The following MYH10 variants were observed in gnomAD, a reference collection of about 807,000 sequenced individuals.
The protein encoded by MYH10 is myosin heavy chain 10, also known as myosin-10.
Under a neutral mutation model 257.8 loss-of-function variants are expected in MYH10, and 55 were observed. That is an observed-to-expected ratio of 0.21 (90% CI 0.17 to 0.27). The LOEUF is 0.27. Ranked by LOEUF, MYH10 falls within the 10% of genes least tolerant of loss-of-function variation. The pLI, the probability that MYH10 is intolerant of heterozygous loss-of-function variation, is 1.00. For missense variants in MYH10, 1,631 were observed against 2,500.6 expected (o/e 0.65, Z 7.42); for synonymous variants, 854 against 921.7 (o/e 0.93, Z 1.33).
At position 8,500,846 on chromosome 17, in the gene MYH10, GCT is replaced by G; in HGVS notation, c.3722_3723del (p.Glu1241AlafsTer23). The G allele has an allele frequency of 6.2e-7, 1 of 1,613,536 alleles. No homozygotes were observed. Among genetic ancestry groups the G allele is most frequent in the Non-Finnish European group, 8.5e-7 (1 of 1,180,018 alleles). On this transcript the variant is annotated frameshift_variant, in exon 29 of 43. Coordinates refer to ENST00000360416, the MANE Select transcript of MYH10 (RefSeq NM_001256012.3). LOFTEE classifies it high-confidence loss of function. ...CTTACCCGCTTGGCCTGTTCCAGCT[GCT>G]CTGAGAGCTCCTCCAGGGCTGTTGC... ...RHATALEELSEQLEQAKRFKA... is the reference protein window; with the variant it reads ...RHATALEELSXQLEQAKRFKA...
chr17:8,548,169 C>T (rs776095768), intron 11 of MYH10, 144 bp downstream of exon 11: 52 of 588,394 alleles, frequency 8.8e-5, no homozygotes, highest in Non-Finnish European at 1.3e-4. Flanking sequence ...GAGGAACCCT[C>T]GTGTAAATAC....
chr17:8,483,198 T>A (rs1355692479), intron 37 of MYH10, among the ~76,000 whole-genome samples: 2 of 152,210 alleles, frequency 1.3e-5, no homozygotes, highest in African/African-American at 4.8e-5. Flanking sequence ...TCAAAATTTG[T>A]GGAACATGAT....
At chr17:8,630,383 C>A (rs943934887) in intron 1 of MYH10, among the ~76,000 whole-genome samples, 2 of 151,872 alleles carry the variant, frequency 1.3e-5, no homozygotes. Context: ...ACAAGGACTT[C>A]ATTCCCCGCT....
intron 28 of MYH10, among the ~76,000 whole-genome samples, chr17:8,501,582 A>AAGAAGCCGCAATTAACT (rs1291119475): frequency 6.6e-6 from 1 of 152,188 alleles, no homozygotes; most frequent in Non-Finnish European, 1.5e-5. Context: ...CGTCCATGTG[A>AAGAAGCCGCAATTAACT]AGAAGCCGCA....
intron 17 of MYH10, among the ~76,000 whole-genome samples, chr17:8,522,616 T>C (rs1409855971): frequency 6.6e-6 from 1 of 152,144 alleles, no homozygotes; most frequent in Non-Finnish European, 1.5e-5. Context: ...ACAAACCCAC[T>C]TCTGCAGGCC....
At chr17:8,565,963 C>A (rs562503088) in intron 7 of MYH10, among the ~76,000 whole-genome samples, 1 of 152,114 alleles carries the variant, frequency 6.6e-6, no homozygotes, top group Non-Finnish European at 1.5e-5. Context: ...TTTGAAGGAA[C>A]GATCTAGAGC....
At chr17:8,509,604 C>T (rs2081191243) in intron 25 of MYH10, among the ~76,000 whole-genome samples, 1 of 152,166 alleles carries the variant, frequency 6.6e-6, no homozygotes, top group African/African-American at 2.4e-5. Context: ...AAAAGATTAT[C>T]AGGATATTTG....
rs747081871 is a variant in MYH10, at chr17:8,542,155, G to A, written c.1557C>T (p.Ile519=). ...YQREGIEWNF[I]DFGLDLQPCI... ...ATGGCTGCAGATCCAGCCCGAAATC[G>A]ATGAAGTTCCACTCGATGCCTTCGC... The change falls in exon 14 of 43, where the codon ATC becomes ATT. Residue 519 remains isoleucine, a synonymous_variant. Coordinates refer to ENST00000360416, the MANE Select transcript of MYH10 (RefSeq NM_001256012.3). 7.4e-6 allele frequency: 12 copies of A among 1,614,062 alleles called. No individual in the cohort carries two copies. The African/African-American group carries it at 8.0e-5, about 11-fold the overall frequency.
At chr17:8,611,345 C>A (rs572488799) in intron 2 of MYH10, among the ~76,000 whole-genome samples, 2 of 152,352 alleles carry the variant, frequency 1.3e-5, no homozygotes, top group East Asian at 3.9e-4. Flanking sequence ...GAGTCTCAAA[C>A]TATTTCCACA....
rs1476269473 is a variant in MYH10, at chr17:8,521,150, G to C, written c.2093C>G (p.Thr698Ser). The change falls in exon 18 of 43, where the codon ACT (threonine) becomes AGT (serine). Residue 698 changes from threonine to serine, a missense_variant. Transcript: ENST00000360416. ...YKESLTKLMA[T>S]LRNTNPNFVR... ...AAAGTTAGGGTTGGTGTTTCGGAGA[G>C]TTGCCATCAGCTTGGTGAGAGATTC... 3.1e-6 allele frequency: 5 copies of C among 1,614,154 alleles called. No individual in the cohort carries two copies. The highest frequency in any genetic ancestry group is 4.2e-6 in the Non-Finnish European group (5 of 1,180,054).
At chr17:8,503,231 C>A (rs947909299) in intron 28 of MYH10, among the ~76,000 whole-genome samples, 2 of 151,920 alleles carry the variant, frequency 1.3e-5, no homozygotes, top group Non-Finnish European at 2.9e-5. Flanking sequence ...TGCAGTGAGC[C>A]GAGATCGCAC....
chr17:8,602,743 A>C (rs904823772), intron 3 of MYH10, among the ~76,000 whole-genome samples: 1 of 152,158 alleles, frequency 6.6e-6, no homozygotes, highest in African/African-American at 2.4e-5. Flanking sequence ...CCTGGTTTTG[A>C]ATCCTAGCTT....
At chr17:8,526,650 C>T (rs1441510492) in intron 17 of MYH10, among the ~76,000 whole-genome samples, 1 of 152,106 alleles carries the variant, frequency 6.6e-6, no homozygotes, top group Non-Finnish European at 1.5e-5. Context: ...GAAAATGCAA[C>T]GTGTCGTCTA....
At chr17:8,598,729 C>T (rs1229937789) in intron 3 of MYH10, among the ~76,000 whole-genome samples, 3 of 141,142 alleles carry the variant, frequency 2.1e-5, no homozygotes, top group Non-Finnish European at 3.0e-5. Flanking sequence ...TTTTTTGAGA[C>T]GGGGTCTTGC....
At chr17:8,627,907 TA>T (rs2085743334) in intron 1 of MYH10, among the ~76,000 whole-genome samples, 1 of 152,144 alleles carries the variant, frequency 6.6e-6, no homozygotes, top group African/African-American at 2.4e-5. Context: ...AGAAAGCCAA[TA>T]ACCAGCCCAA....
rs2081014269 is a variant in MYH10, at chr17:8,504,588, A to C, written c.3599+106T>G. 9.2e-6 allele frequency: 9 copies of C among 983,330 alleles called. No homozygotes were observed. In the Admixed American group the frequency reaches 1.8e-4, roughly 20 times the overall value. 60.9% of individuals were successfully genotyped at this position (983,330 alleles called of 1,614,324 possible). On this transcript the variant is annotated intron_variant, in intron 28 of 42. Coordinates refer to ENST00000360416, the MANE Select transcript of MYH10 (RefSeq NM_001256012.3). The surrounding 1 kb of genome is among the most constrained non-coding windows in gnomAD (Gnocchi z 5.6). ...CACCGTTCCACCTGCCATCACAAGG[A>C]AAAGCACACCACCTCCCAAAGATAG... is the stretch of plus-strand genomic sequence containing the variant.
intron 17 of MYH10, among the ~76,000 whole-genome samples, chr17:8,527,895 C>A (rs1000874966): frequency 6.6e-6 from 1 of 152,210 alleles, no homozygotes. Context: ...ACAACAAAAA[C>A]CTTCATCCAT....
intron 3 of MYH10, among the ~76,000 whole-genome samples, chr17:8,600,393 TCTC>T (rs2084546325): frequency 6.6e-6 from 1 of 152,138 alleles, no homozygotes; most frequent in Non-Finnish European, 1.5e-5. Flanking sequence ...TGGACTCTCT[TCTC>T]CTAAGAAGTC....
chr17:8,525,000 C>T (rs1597734762), intron 17 of MYH10, among the ~76,000 whole-genome samples: 1 of 152,138 alleles, frequency 6.6e-6, no homozygotes, highest in Non-Finnish European at 1.5e-5. Context: ...GAGTTGTGAG[C>T]CTGAAAAACA....
Sources: gnomAD v4.1 joint callset for allele counts (sites outside exome capture counted in the v4.1 genomes callset) on GRCh38, gnomAD v4.1.1 for gene constraint, Gnocchi (gnomAD v3.1) non-coding constraint, MANE v1.5 for transcripts, NCBI Gene and HGNC (gene_info 2026-07-23, HGNC 2026-07-21) for gene names.